SLC34A2: variants seen among roughly 807,000 people sequenced by gnomAD.
SLC34A2 encodes solute carrier family 34 member 2, also known as sodium-dependent phosphate transport protein 2B.
Under a neutral mutation model 50.8 loss-of-function variants are expected in SLC34A2, and 41 were observed. The observed-to-expected ratio is 0.81, with a 90% CI of 0.63 to 1.05. The LOEUF (loss-of-function observed/expected upper bound fraction) is 1.05. Among genes scored for constraint, SLC34A2 ranks in the 50% least tolerant of loss-of-function variants. SLC34A2 has a pLI of 0.00. For synonymous variants in SLC34A2, 401 were observed against 364.2 expected, an observed-to-expected ratio of 1.10 and a Z score of -1.15; for missense variants, 879 against 876.7, an observed-to-expected ratio of 1.00 and a Z score of -0.03.
chr4:25,667,791 ACTT>A (rs1286845172), intron 5 of SLC34A2, 86 bp from the exon 6 acceptor site: 1 of 821,006 alleles, frequency 1.2e-6, no homozygotes, highest in Non-Finnish European at 2.1e-6. Flanking sequence ...GATAAAAACT[ACTT>A]CTTTAGAGGA....
chr4:25,661,861 AC>A (rs1263819778), intron 1 of SLC34A2, among the ~76,000 whole-genome samples: 1 of 148,840 alleles, frequency 6.7e-6, no homozygotes, highest in African/African-American at 2.5e-5. Context: ...ATGGGCTTGC[AC>A]CCTGCCTTTT....
chr4:25,675,696 G>A (rs866323597), intron 12 of SLC34A2, among the ~76,000 whole-genome samples: 1 of 152,188 alleles, frequency 6.6e-6, no homozygotes, highest in Non-Finnish European at 1.5e-5. Flanking sequence ...GCACATCTCA[G>A]TGTGGACATG....
At chr4:25,670,118 G>A (rs1322093484) in intron 7 of SLC34A2, among the ~76,000 whole-genome samples, 1 of 152,160 alleles carries the variant, frequency 6.6e-6, no homozygotes, top group Non-Finnish European at 1.5e-5. Context: ...AGCTATGTGG[G>A]GGCTGAGAAA....
chr4:25,677,576 G>A lies in SLC34A2; in HGVS notation c.*827G>A, dbSNP rs564587717. The A allele has an allele frequency of 3.3e-5, 5 of 152,336 alleles. No homozygotes were observed. The highest frequency in any genetic ancestry group is 1.2e-4 in the African/African-American group (5 of 41,572). The allele number at this position is 152,336 out of a possible 1,614,324, so 9.4% of individuals were successfully genotyped here. ...CCAGATTCTTAATTTAGCAAACTAA[G>A]AAGCCCAATTCAAAAGCATTGTGGC... On this transcript the variant is annotated 3_prime_UTR_variant, in exon 13 of 13. Transcript: ENST00000382051.
chr4:25,663,260 C>T (rs1335374908), intron 3 of SLC34A2, among the ~76,000 whole-genome samples: 1 of 152,150 alleles, frequency 6.6e-6, no homozygotes, highest in Non-Finnish European at 1.5e-5. Context: ...GGCCACCCTC[C>T]CATCTTTGAG....
chr4:25,674,321 GACTGGCT>G lies in SLC34A2; in HGVS notation c.1245_1251del (p.Gly416TrpfsTer9). Reference sequence around the variant, plus strand: ...ATTTCCCCTTTCCCTTTGCATGGTTGACTGGCTACCTGGCCATCCTCGTCGGGGCAGG... The same window carrying G: ...ATTTCCCCTTTCCCTTTGCATGGTTGACCTGGCCATCCTCGTCGGGGCAGG... On this transcript the variant is annotated frameshift_variant, in exon 11 of 13. Coordinates refer to ENST00000382051, the MANE Select transcript of SLC34A2 (RefSeq NM_006424.3). LOFTEE classifies it high-confidence loss of function. 3 of 1,614,042 alleles carry G rather than the reference GACTGGCT, an allele frequency of 1.9e-6. No homozygotes were observed. Among genetic ancestry groups the G allele is most frequent in the Non-Finnish European group, 2.5e-6 (3 of 1,179,992 alleles).
In SLC34A2 at chr4:25,669,710, C is replaced by T. The variant is rs116552692; in HGVS notation, c.699C>T (p.Pro233=). The T allele has an allele frequency of 2.0e-3, 3,276 of 1,614,106 alleles. 45 individuals are homozygous for T. The highest frequency in any genetic ancestry group is 5.6e-3 in the East Asian group (251 of 44,880). Reference sequence around the variant, plus strand: ...GGCTGTCCGTGTTGGTGCTCTTGCCCGTGGAGGTGGCCACCCATTACCTCG... The same window carrying T: ...GGCTGTCCGTGTTGGTGCTCTTGCCTGTGGAGGTGGCCACCCATTACCTCG... ...FNWLSVLVLL[P]VEVATHYLEI... is the part of the protein sequence containing the mutation. The change falls in exon 7 of 13, where the codon CCC becomes CCT. Residue 233 remains proline (P), a synonymous_variant. Coordinates refer to ENST00000382051, the MANE Select transcript of SLC34A2 (RefSeq NM_006424.3).
chr4:25,663,066 G>A (rs1034469250), intron 3 of SLC34A2, among the ~76,000 whole-genome samples: 8 of 151,818 alleles, frequency 5.3e-5, no homozygotes, highest in Non-Finnish European at 1.2e-4. Flanking sequence ...GCTCTGCCCC[G>A]TGGGTTCAAG....
intron 1 of SLC34A2, among the ~76,000 whole-genome samples, chr4:25,656,765 T>C (rs913497419): frequency 6.6e-6 from 1 of 152,224 alleles, no homozygotes; most frequent in East Asian, 1.9e-4. Flanking sequence ...GGTCCCTTTT[T>C]CAAACATGTT....
rs561779115 is a variant in SLC34A2 at position 25,674,342 on chromosome 4, C to T, written c.1263C>T (p.Leu421=). 9 of 1,614,140 alleles carry T rather than the reference C, an allele frequency of 5.6e-6. No individual in the cohort carries two copies. Among genetic ancestry groups the T allele is most frequent in the South Asian group, 5.5e-5 (5 of 91,076 alleles). ...GGTTGACTGGCTACCTGGCCATCCT[C>T]GTCGGGGCAGGCATGACCTTCATCG... is the stretch of plus-strand genomic sequence containing the variant. ...FAWLTGYLAI[L]VGAGMTFIVQ... The change falls in exon 11 of 13, where the codon CTC becomes CTT. Residue 421 remains leucine (L), a synonymous_variant. Transcript: ENST00000382051.
chr4:25,666,346 G>A, intron 5 of SLC34A2, 75 bp downstream of exon 5: 3 of 1,547,670 alleles, frequency 1.9e-6, no homozygotes, highest in Non-Finnish European at 2.6e-6. Flanking sequence ...AAGGACGGGG[G>A]AGGAATTCAC....
At chr4:25,659,169 G>A (rs1188396967) in intron 1 of SLC34A2, among the ~76,000 whole-genome samples, 1 of 152,052 alleles carries the variant, frequency 6.6e-6, no homozygotes, top group East Asian at 1.9e-4. Context: ...TTTGGAGCCA[G>A]CAGTCTTGGG....
chr4:25,674,874 C>G (rs1291434378), intron 12 of SLC34A2, among the ~76,000 whole-genome samples: 1 of 152,142 alleles, frequency 6.6e-6, no homozygotes, highest in Non-Finnish European at 1.5e-5. Flanking sequence ...GGGGTGGCCC[C>G]TTGATATAGA....
At chr4:25,664,362 G>C (rs1294141113) in intron 4 of SLC34A2, 32 bp downstream of exon 4, 2 of 1,613,246 alleles carry the variant, frequency 1.2e-6, no homozygotes, top group African/African-American at 2.7e-5. Context: ...GTCTGCGGGT[G>C]AGGGGCATTA....
chr4:25,669,096 A>C (rs576162899), intron 6 of SLC34A2, among the ~76,000 whole-genome samples: 13 of 152,324 alleles, frequency 8.5e-5, no homozygotes, highest in South Asian at 4.1e-4. Flanking sequence ...AAAAAAGTTT[A>C]AGAATTCACT....
At chr4:25,668,765 A>G (rs1714650924) in intron 6 of SLC34A2, among the ~76,000 whole-genome samples, 1 of 152,080 alleles carries the variant, frequency 6.6e-6, no homozygotes. Flanking sequence ...ACAAGTTAAT[A>G]AAAAACAAAA....
Position 25,667,968 on chromosome 4 carries a change from G to T in SLC34A2, c.612G>T (p.Val204=). The T allele has an allele frequency of 6.2e-7, 1 of 1,612,772 alleles. No individual in the cohort carries two copies. Among genetic ancestry groups the T allele is most frequent in the African/African-American group, 1.3e-5 (1 of 75,010 alleles). The part of the protein sequence containing the change: ...ITNTIVALMQ[V]GDRSEFRRAF... ...ACACTATTGTTGCGCTCATGCAGGT[G>T]GGAGATCGGAGTGAGTTCAGAAGGT... The change falls in exon 6 of 13, where the codon GTG becomes GTT. Residue 204 remains valine (V), a synonymous_variant. Transcript: ENST00000382051.
At chr4:25,676,022 G>T (rs1715088102) in intron 12 of SLC34A2, 113 bp from the exon 13 acceptor site, 2 of 1,518,936 alleles carry the variant, frequency 1.3e-6, no homozygotes, top group Non-Finnish European at 1.8e-6. Context: ...AGGCCTGGAA[G>T]GCCCGAGACT....
At position 25,659,962 on chromosome 4, in the gene SLC34A2, T is replaced by C. The variant is rs559216990; in HGVS notation, c.-3-2536T>C. On this transcript the variant is annotated intron_variant, in intron 1 of 12. Coordinates refer to ENST00000382051, the MANE Select transcript of SLC34A2 (RefSeq NM_006424.3). ...ATGGGAAAAAGAAGTGCTTTAGATGTGAAGTTTATCTAAAGCATTTCCCTA... is the reference window on the plus strand; with the variant it reads ...ATGGGAAAAAGAAGTGCTTTAGATGCGAAGTTTATCTAAAGCATTTCCCTA... Among the ~76,000 whole-genome samples the C allele has an allele frequency of 2.1e-4, 32 of 152,350 alleles. No homozygotes were observed. In the South Asian group the frequency reaches 3.7e-3, roughly 18 times the overall value.
Sources: gnomAD v4.1 joint callset for allele counts (sites outside exome capture counted in the v4.1 genomes callset) on GRCh38, gnomAD v4.1.1 for gene constraint, MANE v1.5 for transcripts, NCBI Gene and HGNC (gene_info 2026-07-23, HGNC 2026-07-21) for gene names.